The following SLC35A1 variants were observed in gnomAD, a reference collection of about 807,000 sequenced individuals.
The protein encoded by SLC35A1 is solute carrier family 35 member A1, also known as CMP-sialic acid transporter.
A neutral mutation model predicts 40.3 loss-of-function variants in SLC35A1; 21 were observed. The observed-to-expected ratio is 0.52, with a 90% CI of 0.37 to 0.75. SLC35A1 has a LOEUF of 0.75. SLC35A1 is among the 30% of genes least tolerant of loss of function. The pLI, the probability that SLC35A1 is intolerant of heterozygous loss-of-function variation, is 0.00. For missense variants in SLC35A1, 297 were observed against 382.1 expected (o/e 0.78, Z 1.86); for synonymous variants, 146 against 147.3 (o/e 0.99, Z 0.06).
intron 4 of SLC35A1, among the ~76,000 whole-genome samples, chr6:87,501,517 A>C (rs1769923488): frequency 1.3e-5 from 2 of 152,222 alleles, no homozygotes; most frequent in Non-Finnish European, 2.9e-5. Flanking sequence ...TATGCATAAA[A>C]TATGTTACAG....
At chr6:87,476,515 A>T (rs564059079) in intron 1 of SLC35A1, among the ~76,000 whole-genome samples, 1 of 152,192 alleles carries the variant, frequency 6.6e-6, no homozygotes, top group Non-Finnish European at 1.5e-5. Flanking sequence ...ACCTGAGGTC[A>T]GGAGTTCGAG....
At chr6:87,486,363 A>G (rs1769390383) in intron 2 of SLC35A1, among the ~76,000 whole-genome samples, 1 of 152,180 alleles carries the variant, frequency 6.6e-6, no homozygotes, top group Non-Finnish European at 1.5e-5. Context: ...TTGGAAGCAA[A>G]TAGTCATTCT....
Position 87,506,452 on chromosome 6 carries a change from A to G in SLC35A1, c.574+4A>G. On this transcript the variant is annotated splice_donor_region_variant and intron_variant, in intron 5 of 7. Coordinates refer to ENST00000369552, the MANE Select transcript of SLC35A1 (RefSeq NM_006416.5). Reference sequence around the variant, plus strand: ...GTATTGTGCTCAGGATTTGCAGGTAAATCATGAAAGCATTGTTTTATTCTT... The same window carrying G: ...GTATTGTGCTCAGGATTTGCAGGTAGATCATGAAAGCATTGTTTTATTCTT... The G allele has an allele frequency of 1.9e-6, 3 of 1,611,944 alleles. No individual in the cohort carries two copies. Among genetic ancestry groups the G allele is most frequent in the Non-Finnish European group, 2.5e-6 (3 of 1,178,140 alleles).
chr6:87,483,469 G>T (rs976771134), intron 2 of SLC35A1, among the ~76,000 whole-genome samples: 1 of 146,800 alleles, frequency 6.8e-6, no homozygotes, highest in African/African-American at 2.6e-5. Flanking sequence ...GAGGTTCAAT[G>T]TACCCCTATT....
intron 2 of SLC35A1, among the ~76,000 whole-genome samples, chr6:87,495,203 G>A (rs928433524): frequency 1.3e-5 from 2 of 152,086 alleles, no homozygotes; most frequent in Non-Finnish European, 2.9e-5. Flanking sequence ...CAAGCAATCC[G>A]TCTGCCATGG....
At chr6:87,491,499 TTAAG>T (rs1179463549) in intron 2 of SLC35A1, among the ~76,000 whole-genome samples, 11 of 152,108 alleles carry the variant, frequency 7.2e-5, no homozygotes, top group Non-Finnish European at 7.4e-5. Context: ...AATGAAGTAA[TTAAG>T]TATTTTTGAT....
intron 2 of SLC35A1, among the ~76,000 whole-genome samples, chr6:87,499,785 T>A (rs1769862347): frequency 6.6e-6 from 1 of 152,082 alleles, no homozygotes; most frequent in South Asian, 2.1e-4. Context: ...ACCAAAGCCT[T>A]TTTATTTGCA....
intron 7 of SLC35A1, among the ~76,000 whole-genome samples, chr6:87,510,359 A>G (rs1770226278): frequency 6.6e-6 from 1 of 152,212 alleles, no homozygotes; most frequent in African/African-American, 2.4e-5. Flanking sequence ...ACAGTAGAAA[A>G]TGCTTTTGTT....
At chr6:87,503,314 G>C (rs1201550589) in intron 4 of SLC35A1, among the ~76,000 whole-genome samples, 1 of 152,184 alleles carries the variant, frequency 6.6e-6, no homozygotes, top group Admixed American at 6.5e-5. Flanking sequence ...TGGAGGATCT[G>C]TTTCTAACGT....
intron 2 of SLC35A1, among the ~76,000 whole-genome samples, chr6:87,489,371 T>C (rs997831859): frequency 1.3e-5 from 2 of 152,022 alleles, no homozygotes; most frequent in Admixed American, 6.6e-5. Context: ...CAGGAATTGA[T>C]TATTTCTCGG....
intron 2 of SLC35A1, among the ~76,000 whole-genome samples, chr6:87,492,544 GATT>G (rs1202217374): frequency 1.1e-4 from 13 of 114,668 alleles, no homozygotes; most frequent in Non-Finnish European, 2.2e-4. Flanking sequence ...AATTTATCTT[GATT>G]TTTTTTTTTT....
At chr6:87,499,718 A>T (rs184361405) in intron 2 of SLC35A1, among the ~76,000 whole-genome samples, 36 of 152,334 alleles carry the variant, frequency 2.4e-4, no homozygotes, top group Admixed American at 2.1e-3. Flanking sequence ...TTTCATAAGT[A>T]CTAAATTCAT....
At chr6:87,486,852 T>A (rs553800616) in intron 2 of SLC35A1, among the ~76,000 whole-genome samples, 4 of 152,184 alleles carry the variant, frequency 2.6e-5, no homozygotes, top group Admixed American at 1.3e-4. Flanking sequence ...CTGTTAAGGA[T>A]TTTAGATTTA....
chr6:87,491,581 CT>C lies in SLC35A1; in HGVS notation c.195-8922del, dbSNP rs1769554896. Among the ~76,000 whole-genome samples, 3 of 152,140 alleles carry C rather than the reference CT, an allele frequency of 2.0e-5. No individual in the cohort carries two copies. In the South Asian group the frequency reaches 6.2e-4, roughly 32 times the overall value. ...AGTTTACAATAATTTTTTCTCTTAA[CT>C]TTTTATTTCCAAATGTTAACACTTT... On this transcript the variant is annotated intron_variant, in intron 2 of 7. Transcript: ENST00000369552.
chr6:87,482,623 A>G (rs1234437714), intron 2 of SLC35A1, among the ~76,000 whole-genome samples: 1 of 152,156 alleles, frequency 6.6e-6, no homozygotes, highest in South Asian at 2.1e-4. Context: ...CCTCAGTCAC[A>G]CGGGAGGAAC....
chr6:87,507,615 TTAGACTTTTTAGTTGATAAG>T (rs1770128102), intron 5 of SLC35A1, among the ~76,000 whole-genome samples: 1 of 152,180 alleles, frequency 6.6e-6, no homozygotes, highest in Non-Finnish European at 1.5e-5. Flanking sequence ...TTGTTTTTCG[TTAGACTTTTTAGTTGATAAG>T]TACTTCATTG....
chr6:87,508,419 G>C lies in SLC35A1; in HGVS notation c.575-1G>C. 6.3e-7 allele frequency: 1 copy of C among 1,584,826 alleles called. No homozygotes were observed. The highest frequency in any genetic ancestry group is 8.7e-7 in the Non-Finnish European group (1 of 1,155,694). ...TATTTGCATGTCTAATTTTCTTTCAGGAGTATATTTTGAAAAAGTTTTAAA... is the reference window on the plus strand; with the variant it reads ...TATTTGCATGTCTAATTTTCTTTCACGAGTATATTTTGAAAAAGTTTTAAA... On this transcript the variant is annotated splice_acceptor_variant, in intron 5 of 7. Coordinates refer to ENST00000369552, the MANE Select transcript of SLC35A1 (RefSeq NM_006416.5). LOFTEE classifies it high-confidence loss of function.
chr6:87,506,530 GCTTT>G, intron 5 of SLC35A1, 82 bp downstream of exon 5: 1 of 1,119,854 alleles, frequency 8.9e-7, no homozygotes, highest in Non-Finnish European at 1.4e-6. Flanking sequence ...AGTTTATCTT[GCTTT>G]CTCAGTTTTA....
intron 2 of SLC35A1, among the ~76,000 whole-genome samples, chr6:87,486,252 C>T (rs1408135567): frequency 3.3e-5 from 5 of 152,060 alleles, no homozygotes; most frequent in African/African-American, 7.2e-5. Context: ...AGAAACTTAT[C>T]GAAGTAGCAC....
Sources: gnomAD v4.1 joint callset for allele counts (sites outside exome capture counted in the v4.1 genomes callset) on GRCh38, gnomAD v4.1.1 for gene constraint, MANE v1.5 for transcripts, NCBI Gene and HGNC (gene_info 2026-07-23, HGNC 2026-07-21) for gene names.